MTHFSD: variants seen among roughly 807,000 people sequenced by gnomAD.
MTHFSD encodes methenyltetrahydrofolate synthetase domain containing, also known as methenyltetrahydrofolate synthase domain-containing protein.
In MTHFSD, 37 loss-of-function variants were observed where a neutral mutation model predicts 31.1. The ratio of observed to expected loss-of-function variants is 1.19; its 90% confidence interval spans 0.91 to 1.56. MTHFSD has a LOEUF of 1.56. MTHFSD is among the 40% of genes most tolerant of loss of function. MTHFSD has a pLI of 0.00. For synonymous variants in MTHFSD, 221 were observed against 206.9 expected (o/e 1.07, Z -0.59); for missense variants, 664 against 510.1 (o/e 1.30, Z -2.91).
Position 86,554,708 on chromosome 16 carries a change from G to A in MTHFSD, c.60C>T (p.Tyr20=), listed in dbSNP as rs201251019. Residue 20 remains tyrosine (Y), a synonymous_variant, in exon 2 of 8, where the codon TAC becomes TAT. Coordinates refer to ENST00000360900, the MANE Select transcript of MTHFSD (RefSeq NM_001159377.2). ...AGTCAGCTAAATTTTGTGATTCCAT[G>A]TAGCCCCAAATTTGTTCACGTATGT... ...KQDIREQIWG[Y]MESQNLADFP... 4.3e-5 allele frequency: 70 copies of A among 1,614,190 alleles called. No homozygotes were observed. In the African/African-American group the frequency reaches 8.7e-4, roughly 20 times the overall value.
chr16:86,539,743 G>A (rs994810851), intron 7 of MTHFSD, among the ~76,000 whole-genome samples: 1 of 152,202 alleles, frequency 6.6e-6, no homozygotes, highest in African/African-American at 2.4e-5. Context: ...AGGGCAGGAC[G>A]TCAACTACTG....
intron 7 of MTHFSD, among the ~76,000 whole-genome samples, chr16:86,538,985 G>A (rs1301845858): frequency 6.6e-6 from 1 of 152,174 alleles, no homozygotes; most frequent in Non-Finnish European, 1.5e-5. Context: ...CTAGAAAGGA[G>A]GAGCAAAAGC....
intron 4 of MTHFSD, chr16:86,547,001 G>T: frequency 3.1e-6 from 1 of 317,850 alleles, no homozygotes; most frequent in Non-Finnish European, 4.9e-6. Context: ...GAGCCTCTGA[G>T]CCACAGGTCC....
rs1969951154 is a variant in MTHFSD at position 86,531,046 on chromosome 16, C to A, written c.*965G>T. On this transcript the variant is annotated 3_prime_UTR_variant, in exon 8 of 8. Coordinates refer to ENST00000360900, the MANE Select transcript of MTHFSD (RefSeq NM_001159377.2). The surrounding 1 kb of genome is among the most constrained non-coding windows in gnomAD (Gnocchi z 5.5). ...GCGTGCACGGGCCGCCCTCTCGAGG[C>A]ATCGTAATGTGCTTCAAAGAACACT... The A allele has an allele frequency of 6.6e-6, 1 of 152,136 alleles. No homozygotes were observed. The highest frequency in any genetic ancestry group is 6.5e-5 in the Admixed American group (1 of 15,278). 9.4% of individuals were successfully genotyped at this position (152,136 alleles called of 1,614,324 possible). A position where few individuals can be genotyped will look rare whatever the true frequency, so the allele number is the denominator to read the frequency against.
chr16:86,551,246 A>G (rs1262316056), intron 3 of MTHFSD, among the ~76,000 whole-genome samples: 1 of 152,232 alleles, frequency 6.6e-6, no homozygotes, highest in Non-Finnish European at 1.5e-5. Context: ...ACTAATTTAA[A>G]TCAACCCTGG....
intron 7 of MTHFSD, chr16:86,541,089 CT>C (rs757741448): frequency 6.9e-4 from 877 of 1,267,608 alleles, no homozygotes; most frequent in Non-Finnish European, 8.5e-4. Flanking sequence ...CAAATGTCTT[CT>C]CAGTAATTCT....
intron 3 of MTHFSD, among the ~76,000 whole-genome samples, chr16:86,551,493 TGGTTAG>T (rs1973138791): frequency 6.6e-6 from 1 of 152,244 alleles, no homozygotes; most frequent in Non-Finnish European, 1.5e-5. Context: ...TGTGTTTGTT[TGGTTAG>T]GAAGTTAAAA....
chr16:86,551,849 A>C (rs532932473), intron 3 of MTHFSD, 184 bp downstream of exon 3: 43 of 1,108,704 alleles, frequency 3.9e-5, no homozygotes, highest in Non-Finnish European at 5.1e-5. Flanking sequence ...CTGAATTGCT[A>C]AACAGCTGAA....
chr16:86,545,307 C>T (rs1038266360), intron 5 of MTHFSD, among the ~76,000 whole-genome samples: 7 of 152,202 alleles, frequency 4.6e-5, no homozygotes, highest in Non-Finnish European at 8.8e-5. Context: ...ACAGGGAAGA[C>T]TTATGGTGCA....
intron 1 of MTHFSD, 165 bp downstream of exon 1, chr16:86,555,004 G>T: frequency 7.2e-7 from 1 of 1,390,210 alleles, no homozygotes; most frequent in Non-Finnish European, 9.5e-7. Context: ...CGAGAGAGCC[G>T]CTGGTTCGAC....
At chr16:86,537,446 A>T (rs1970863866) in intron 7 of MTHFSD, among the ~76,000 whole-genome samples, 1 of 152,166 alleles carries the variant, frequency 6.6e-6, no homozygotes, top group Non-Finnish European at 1.5e-5. Flanking sequence ...TGTCTTCTAT[A>T]GAGATTCAGA....
rs939011432 is a variant in MTHFSD at position 86,535,504 on chromosome 16, C to T, written c.682-3023G>A. On this transcript the variant is annotated intron_variant, in intron 7 of 7. Transcript: ENST00000360900. ...GGCTGGCAATGAGGAATAGTTGTTA[C>T]ATTCTGTCAATCTGGCATGTGAAGT... 13 of 985,206 alleles carry T rather than the reference C, an allele frequency of 1.3e-5. No individual in the cohort carries two copies. In the African/African-American group the frequency reaches 2.3e-4, roughly 17 times the overall value. 61.0% of individuals were successfully genotyped at this position (985,206 alleles called of 1,614,324 possible).
At chr16:86,553,069 G>C (rs1198306340) in intron 2 of MTHFSD, among the ~76,000 whole-genome samples, 1 of 152,104 alleles carries the variant, frequency 6.6e-6, no homozygotes, top group Admixed American at 6.5e-5. Flanking sequence ...CTGAGGCCCA[G>C]CATCCTTAGG....
At chr16:86,545,718 C>A (rs1000566624) in intron 5 of MTHFSD, among the ~76,000 whole-genome samples, 3 of 152,192 alleles carry the variant, frequency 2.0e-5, no homozygotes, top group African/African-American at 7.2e-5. Flanking sequence ...GAGCACGTCA[C>A]GTCCTGTCCT....
intron 7 of MTHFSD, among the ~76,000 whole-genome samples, chr16:86,536,705 C>G (rs1048942234): frequency 6.6e-6 from 1 of 152,268 alleles, no homozygotes; most frequent in Non-Finnish European, 1.5e-5. Context: ...CACCTTAAAA[C>G]TGACGCTGCG....
intron 5 of MTHFSD, among the ~76,000 whole-genome samples, chr16:86,544,523 A>G (rs1971995025): frequency 1.3e-5 from 2 of 152,246 alleles, no homozygotes; most frequent in Non-Finnish European, 2.9e-5. Flanking sequence ...CAAAACCACA[A>G]TGAGACACCA....
chr16:86,532,128 G>A lies in MTHFSD; in HGVS notation c.1035C>T (p.Ala345=). 6.4e-7 allele frequency: 1 copy of A among 1,553,342 alleles called. No homozygotes were observed. Among genetic ancestry groups the A allele is most frequent in the Non-Finnish European group, 8.7e-7 (1 of 1,149,110 alleles). Residue 345 remains alanine (A), a synonymous_variant, in exon 8 of 8, where the codon GCC becomes GCT. Coordinates refer to ENST00000360900, the MANE Select transcript of MTHFSD (RefSeq NM_001159377.2). ...CGGCAGAGTCCGGGTAATGGAGGAA[G>A]GCTCTGCGCCGCGGGCCCTGCCAGG... The part of the protein sequence containing the change: ...RLTWQGPRRR[A]FLHYPDSAAA...
rs1973887300 is a variant in MTHFSD at position 86,555,023 on chromosome 16, A to G, written c.16+146T>C. Reference sequence around the variant, plus strand: ...AGAGCCGCTGGTTCGACCCGAACCCAGCACAGACCCCCTCTGACCTCCTCG... The same window carrying G: ...AGAGCCGCTGGTTCGACCCGAACCCGGCACAGACCCCCTCTGACCTCCTCG... On this transcript the variant is annotated intron_variant, in intron 1 of 7. Coordinates refer to ENST00000360900, the MANE Select transcript of MTHFSD (RefSeq NM_001159377.2). The G allele has an allele frequency of 5.6e-6, 8 of 1,434,336 alleles. No homozygotes were observed. In the South Asian group the frequency reaches 1.0e-4, roughly 18 times the overall value. The allele number at this position is 1,434,336 out of a possible 1,614,324, so 88.9% of individuals were successfully genotyped here. A position where few individuals can be genotyped will look rare whatever the true frequency, so the allele number is the denominator to read the frequency against.
chr16:86,552,361 C>T (rs1973292150), intron 2 of MTHFSD: 1 of 1,378,456 alleles, frequency 7.3e-7, no homozygotes, highest in Non-Finnish European at 9.8e-7. Flanking sequence ...GCCCAAGCAG[C>T]TCGGCCCAGA....
Sources: gnomAD v4.1 joint callset for allele counts (sites outside exome capture counted in the v4.1 genomes callset) on GRCh38, gnomAD v4.1.1 for gene constraint, Gnocchi (gnomAD v3.1) non-coding constraint, MANE v1.5 for transcripts, NCBI Gene and HGNC (gene_info 2026-07-23, HGNC 2026-07-21) for gene names.